Variants in MOXD1 observed in about 807,000 individuals in gnomAD.
The protein encoded by MOXD1 is monooxygenase DBH like 1, also known as DBH-like monooxygenase protein 1.
In MOXD1, 62 loss-of-function variants were observed where a neutral mutation model predicts 66.6. The ratio of observed to expected loss-of-function variants is 0.93; its 90% confidence interval spans 0.76 to 1.15. MOXD1 has a LOEUF of 1.15. MOXD1 is among the 50% of genes most tolerant of loss of function. The probability of loss-of-function intolerance (pLI) is 0.00; values close to 1 mark genes in which losing one functional copy is unlikely to be tolerated. For missense variants in MOXD1, 847 were observed against 754.6 expected (o/e 1.12, Z -1.44); for synonymous variants, 303 against 281.9 (o/e 1.07, Z -0.75).
In MOXD1 at chr6:132,322,707, T is replaced by A; in HGVS notation, c.1277A>T (p.Tyr426Phe). ...DFDFNFQEFQYLKEEQTILPG... is the reference protein window; with the variant it reads ...DFDFNFQEFQFLKEEQTILPG... ...TAAGATTGTTTGTTCTTCCTTTAGA[T>A]ACTGAAACTCCTGGAAATTGAAGTC... is the stretch of plus-strand genomic sequence containing the variant. Residue 426 changes from tyrosine (Y) to phenylalanine (F), a missense_variant, in exon 8 of 12, where the codon TAT becomes TTT. Transcript: ENST00000367963. 6.2e-7 allele frequency: 1 copy of A among 1,613,982 alleles called. No homozygotes were observed. Among genetic ancestry groups the A allele is most frequent in the African/African-American group, 1.3e-5 (1 of 75,050 alleles).
chr6:132,373,521 A>G (rs904023080), intron 2 of MOXD1, among the ~76,000 whole-genome samples: 1 of 152,240 alleles, frequency 6.6e-6, no homozygotes, highest in Non-Finnish European at 1.5e-5. Flanking sequence ...ATAAATATAG[A>G]AGGATTTCTG....
At chr6:132,384,174 TCTCCCTTCCTCTCTTCCTTC>T (rs1263462886) in intron 1 of MOXD1, among the ~76,000 whole-genome samples, 9 of 151,256 alleles carry the variant, frequency 6.0e-5, no homozygotes, top group African/African-American at 2.2e-4. Context: ...TTTCTTCCTC[TCTCCCTTCCTCTCTTCCTTC>T]CTCCCTCCCT....
chr6:132,342,555 T>C (rs1304205888), intron 4 of MOXD1, among the ~76,000 whole-genome samples: 1 of 152,234 alleles, frequency 6.6e-6, no homozygotes, highest in African/African-American at 2.4e-5. Context: ...TGTATGAGTG[T>C]CTGTGTGTGT....
intron 6 of MOXD1, among the ~76,000 whole-genome samples, chr6:132,326,901 A>G (rs1179424182): frequency 1.3e-5 from 2 of 152,194 alleles, no homozygotes; most frequent in Admixed American, 6.5e-5. Context: ...TTCAAAATCT[A>G]TTATTCATGC....
At chr6:132,319,917 C>A (rs1174823916) in intron 9 of MOXD1, among the ~76,000 whole-genome samples, 1 of 151,952 alleles carries the variant, frequency 6.6e-6, no homozygotes, top group Non-Finnish European at 1.5e-5. Context: ...CTTTTTCTTT[C>A]AATAAATATA....
chr6:132,370,115 A>G (rs767262462), intron 4 of MOXD1, among the ~76,000 whole-genome samples: 15 of 152,148 alleles, frequency 9.9e-5, no homozygotes, highest in Admixed American at 2.6e-4. Context: ...GAAGAAAAGG[A>G]CTGAGGCTTT....
intron 1 of MOXD1, among the ~76,000 whole-genome samples, chr6:132,385,325 C>T (rs543468887): frequency 1.3e-5 from 2 of 152,228 alleles, no homozygotes; most frequent in Non-Finnish European, 2.9e-5. Context: ...AAACTTCACG[C>T]TCAGCTTTGC....
In MOXD1 at chr6:132,346,555, T is replaced by C. The variant is rs201100035; in HGVS notation, c.664-17961A>G. Among the ~76,000 whole-genome samples, 17 of 152,342 alleles carry C rather than the reference T, an allele frequency of 1.1e-4. No individual in the cohort carries two copies. In the East Asian group the frequency reaches 3.1e-3, roughly 28 times the overall value. ...CTTCATGCAGAATTCTATGTTGGTT[T>C]TTATCCAAAGGTCTAGAATTCACTG... On this transcript the variant is annotated intron_variant, in intron 4 of 11. Transcript: ENST00000367963.
At chr6:132,349,522 T>C (rs1232947803) in intron 4 of MOXD1, among the ~76,000 whole-genome samples, 1 of 138,206 alleles carries the variant, frequency 7.2e-6, no homozygotes, top group Non-Finnish European at 1.6e-5. Flanking sequence ...CACTCATTGA[T>C]TGATGGGCAT....
intron 1 of MOXD1, 92 bp from the exon 2 acceptor site, chr6:132,374,869 G>A: frequency 7.9e-7 from 1 of 1,273,010 alleles, no homozygotes. Flanking sequence ...TTGTTGTCTA[G>A]AGTTATTTTA....
chr6:132,378,925 T>TTCACTCTTGTTGCCCAGGCTGGAGTGCAA (rs1562297778), intron 1 of MOXD1, among the ~76,000 whole-genome samples: 1 of 132,200 alleles, frequency 7.6e-6, no homozygotes, highest in African/African-American at 2.8e-5. Flanking sequence ...GCGACAGAGT[T>TTCACTCTTGTTGCCCAGGCTGGAGTGCAA]TCACTCTTGT....
chr6:132,323,803 G>T (rs1775129116), intron 7 of MOXD1, 128 bp downstream of exon 7: 5 of 1,024,450 alleles, frequency 4.9e-6, no homozygotes, highest in Non-Finnish European at 6.8e-6. Context: ...CTAAAATTGC[G>T]ATAAGGGTTT....
In MOXD1 at chr6:132,397,592, A is replaced by AAC. The variant is rs747431993; in HGVS notation, c.264+3569_264+3570dup. On this transcript the variant is annotated intron_variant, in intron 1 of 11. Transcript: ENST00000367963. Reference sequence around the variant, plus strand: ...TATTTAGTAATTAGATTTTTATTTAAACACACACACACACACTCACAGAGA... The same window carrying AAC: ...TATTTAGTAATTAGATTTTTATTTAAACACACACACACACACACTCACAGAGA... Among the ~76,000 whole-genome samples the AAC allele has an allele frequency of 5.1e-4, 76 of 147,762 alleles. 1 individual carries two copies. The highest frequency in any genetic ancestry group is 1.6e-3 in the East Asian group (8 of 5,138).
chr6:132,359,482 C>CT (rs1775970724), intron 4 of MOXD1, among the ~76,000 whole-genome samples: 4 of 142,480 alleles, frequency 2.8e-5, no homozygotes, highest in East Asian at 2.1e-4. Context: ...TTTTTTTTTT[C>CT]TTTTTCTTTT....
chr6:132,351,374 C>T lies in MOXD1; in HGVS notation c.663+21234G>A, dbSNP rs139282666. Among the ~76,000 whole-genome samples, 1,163 of 152,178 alleles carry T rather than the reference C, an allele frequency of 7.6e-3. 14 individuals are homozygous for T. The highest frequency in any genetic ancestry group is 0.026 in the African/African-American group (1,084 of 41,536). ...AAGGGATGCCAGATTTTGTTGGATG[C>T]TTTTTCTGCATCTATTGAGATGATC... On this transcript the variant is annotated intron_variant, in intron 4 of 11. Transcript: ENST00000367963.
At chr6:132,320,974 T>C (rs540332982) in intron 8 of MOXD1, among the ~76,000 whole-genome samples, 5 of 152,248 alleles carry the variant, frequency 3.3e-5, no homozygotes, top group Admixed American at 1.3e-4. Context: ...TAAAAATTGT[T>C]CTTATTTTTG....
Position 132,304,620 on chromosome 6 carries a change from G to A in MOXD1, c.1509-6665C>T, listed in dbSNP as rs7761075. On this transcript the variant is annotated intron_variant, in intron 10 of 11. Transcript: ENST00000367963. ...TAAATTCTAGGATTCTGTTGTTTTC[G>A]CTGCCTATCTGTAAGCAATAAACCC... is the stretch of plus-strand genomic sequence containing the variant. Among the ~76,000 whole-genome samples the A allele has an allele frequency of 3.5e-3, 537 of 152,226 alleles. 4 individuals are homozygous for A. Among genetic ancestry groups the A allele is most frequent in the African/African-American group, 0.012 (495 of 41,534 alleles).
intron 4 of MOXD1, among the ~76,000 whole-genome samples, chr6:132,339,667 G>A (rs1775509140): frequency 6.6e-6 from 1 of 152,294 alleles, no homozygotes; most frequent in East Asian, 1.9e-4. Context: ...TCCTTGATAT[G>A]AGCTGAAATT....
chr6:132,365,489 G>T (rs1011804368), intron 4 of MOXD1, among the ~76,000 whole-genome samples: 1 of 152,130 alleles, frequency 6.6e-6, no homozygotes, highest in Non-Finnish European at 1.5e-5. Flanking sequence ...CAGATATTTA[G>T]AAGTAGAAAG....
Sources: gnomAD v4.1 joint callset for allele counts (sites outside exome capture counted in the v4.1 genomes callset) on GRCh38, gnomAD v4.1.1 for gene constraint, MANE v1.5 for transcripts, NCBI Gene and HGNC (gene_info 2026-07-23, HGNC 2026-07-21) for gene names.